Variants in CCDC102B observed in about 807,000 individuals in gnomAD.
The protein encoded by CCDC102B is coiled-coil domain containing 102B, also known as coiled-coil domain-containing protein 102B.
A neutral mutation model predicts 57.4 loss-of-function variants in CCDC102B; 75 were observed. The observed-to-expected ratio is 1.31, with a 90% CI of 1.08 to 1.58. The LOEUF (loss-of-function observed/expected upper bound fraction) is 1.58. Ranked by LOEUF, CCDC102B falls within the 40% of genes most tolerant of loss-of-function variation. The pLI is 0.00. For synonymous variants in CCDC102B, 206 were observed against 201.9 expected, an observed-to-expected ratio of 1.02 and a Z score of -0.17; for missense variants, 636 against 582.6, an observed-to-expected ratio of 1.09 and a Z score of -0.94.
chr18:68,787,306 C>T lies in CCDC102B; in HGVS notation c.-66-36060C>T, dbSNP rs1016016309. On this transcript the variant is annotated intron_variant, in intron 2 of 3. Coordinates refer to the CCDC102B transcript ENST00000578970. ...AAAATTCTCTTTTTTGGTTGTGTCT[C>T]GGCCCGGCTTTGGTATCAGAATGAT... Among the ~76,000 whole-genome samples the T allele has an allele frequency of 1.5e-3, 231 of 151,804 alleles. 1 individual carries two copies. The highest frequency in any genetic ancestry group is 1.9e-3 in the Non-Finnish European group (129 of 67,950).
At chr18:68,725,293 A>C (rs2032542741) in intron 2 of CCDC102B, among the ~76,000 whole-genome samples, 1 of 152,220 alleles carries the variant, frequency 6.6e-6, no homozygotes, top group Non-Finnish European at 1.5e-5. Context: ...AAGGCACTAT[A>C]TTAATTTTCT....
chr18:68,914,145 T>C (rs973569021), intron 6 of CCDC102B, among the ~76,000 whole-genome samples: 1 of 152,236 alleles, frequency 6.6e-6, no homozygotes, highest in African/African-American at 2.4e-5. Context: ...CCTCAAATAA[T>C]GTCTTTCATC....
rs35250665 is a variant in CCDC102B at position 68,941,264 on chromosome 18, T to TAA, written c.1263+43845_1263+43846dup. On this transcript the variant is annotated intron_variant, in intron 6 of 7. Transcript: ENST00000360242. ...TTTATAACTATGGTGAGCACAAAAA[T>TAA]AAAAAAAAAACCCATGTATTTTAGT... is the stretch of plus-strand genomic sequence containing the variant. Among the ~76,000 whole-genome samples, 422 of 149,792 alleles carry TAA rather than the reference T, an allele frequency of 2.8e-3. 5 individuals are homozygous for TAA. Among genetic ancestry groups the TAA allele is most frequent in the African/African-American group, 9.9e-3 (402 of 40,608 alleles).
chr18:68,957,120 G>GT (rs1405340572), intron 6 of CCDC102B, among the ~76,000 whole-genome samples: 1 of 151,916 alleles, frequency 6.6e-6, no homozygotes, highest in Non-Finnish European at 1.5e-5. Flanking sequence ...CCGTGCAGAA[G>GT]TTTTTTTAAC....
At chr18:68,908,630 A>G (rs1054935543) in intron 6 of CCDC102B, 1 of 152,140 alleles carries the variant, frequency 6.6e-6, no homozygotes, top group Non-Finnish European at 1.5e-5. Flanking sequence ...TTTTAAATAC[A>G]TTTTCCTCTA....
chr18:68,854,245 T>C (rs7230046), intron 4 of CCDC102B, among the ~76,000 whole-genome samples: 151,958 of 151,962 alleles, frequency 1, 75,977 homozygotes, highest in Middle Eastern at 1. Context: ...GGATTACAGG[T>C]GCCCGCCACC....
intron 2 of CCDC102B, among the ~76,000 whole-genome samples, chr18:68,789,876 A>G (rs1356505636): frequency 3.9e-5 from 6 of 151,958 alleles, no homozygotes; most frequent in South Asian, 2.1e-4. Flanking sequence ...CTGGTGAGGA[A>G]CTGCGTTCCT....
chr18:68,779,040 G>A (rs2034918671), intron 2 of CCDC102B, among the ~76,000 whole-genome samples: 1 of 152,088 alleles, frequency 6.6e-6, no homozygotes, highest in Non-Finnish European at 1.5e-5. Flanking sequence ...ATGCATTCCT[G>A]TTTAACGACA....
intron 6 of CCDC102B, among the ~76,000 whole-genome samples, chr18:68,919,858 T>C (rs1291883932): frequency 6.6e-6 from 1 of 152,206 alleles, no homozygotes; most frequent in African/African-American, 2.4e-5. Flanking sequence ...TCTTGCATTC[T>C]TTTTTAATAA....
At chr18:68,754,560 G>A (rs892918452) in intron 2 of CCDC102B, 1 of 152,140 alleles carries the variant, frequency 6.6e-6, no homozygotes, top group Non-Finnish European at 1.5e-5. Context: ...CCAGGAGTTT[G>A]ATGTTGCAGT....
intron 4 of CCDC102B, among the ~76,000 whole-genome samples, chr18:68,857,394 TTAAATATA>T (rs1248340248): frequency 8.0e-6 from 1 of 124,556 alleles, no homozygotes; most frequent in Admixed American, 1.0e-4. Flanking sequence ...TATTTATTAT[TTAAATATA>T]TAAATATATA....
chr18:68,907,399 T>A (rs1008818181), intron 6 of CCDC102B, among the ~76,000 whole-genome samples: 5 of 151,952 alleles, frequency 3.3e-5, no homozygotes, highest in Non-Finnish European at 5.9e-5. Flanking sequence ...CTTTTCAGAG[T>A]ATTAACAGTT....
chr18:68,814,192 G>A (rs575361722), intron 1 of CCDC102B, among the ~76,000 whole-genome samples: 2 of 152,234 alleles, frequency 1.3e-5, no homozygotes, highest in African/African-American at 4.8e-5. Context: ...CCAATTTCTA[G>A]GAAAAGGAGG....
chr18:68,782,589 G>T (rs562806826), intron 2 of CCDC102B, among the ~76,000 whole-genome samples: 170 of 151,548 alleles, frequency 1.1e-3, no homozygotes, highest in Non-Finnish European at 1.9e-3. Flanking sequence ...AGCTTTTTTC[G>T]ATCTGGATCA....
Position 69,054,614 on chromosome 18 carries a change from G to A in CCDC102B, c.*477G>A. On this transcript the variant is annotated 3_prime_UTR_variant, in exon 8 of 8. Coordinates refer to ENST00000360242, the MANE Select transcript of CCDC102B (RefSeq NM_024781.3). ...ATTAACAAAAATGAATCATTCTAGAGGTGTAACAATACATTTCTTATATAA... is the reference window on the plus strand; with the variant it reads ...ATTAACAAAAATGAATCATTCTAGAAGTGTAACAATACATTTCTTATATAA... The A allele has an allele frequency of 5.1e-6, 5 of 981,670 alleles. No homozygotes were observed. The highest frequency in any genetic ancestry group is 4.8e-6 in the Non-Finnish European group (4 of 826,602). 60.8% of individuals were successfully genotyped at this position (981,670 alleles called of 1,614,324 possible).
intron 6 of CCDC102B, among the ~76,000 whole-genome samples, chr18:68,991,287 C>G (rs1042212496): frequency 3.9e-5 from 6 of 152,306 alleles, no homozygotes; most frequent in Admixed American, 3.9e-4. Flanking sequence ...GAAACACTTT[C>G]ATATACAAGG....
chr18:69,022,364 T>TATAC (rs2051869091), intron 7 of CCDC102B, among the ~76,000 whole-genome samples: 1 of 150,926 alleles, frequency 6.6e-6, no homozygotes, highest in Admixed American at 6.6e-5. Flanking sequence ...AATATATATA[T>TATAC]ACACACACAC....
At chr18:68,935,198 A>G (rs767982643) in intron 6 of CCDC102B, among the ~76,000 whole-genome samples, 1 of 152,104 alleles carries the variant, frequency 6.6e-6, no homozygotes, top group South Asian at 2.1e-4. Flanking sequence ...TTTTTAAGAT[A>G]AACATGTGCC....
At chr18:68,889,165 C>T (rs2039988605) in intron 5 of CCDC102B, among the ~76,000 whole-genome samples, 1 of 151,946 alleles carries the variant, frequency 6.6e-6, no homozygotes, top group Admixed American at 6.6e-5. Context: ...ATATTGAAAA[C>T]TTAATCCTAG....
Sources: gnomAD v4.1 joint callset for allele counts (sites outside exome capture counted in the v4.1 genomes callset) on GRCh38, gnomAD v4.1.1 for gene constraint, MANE v1.5 for transcripts, NCBI Gene and HGNC (gene_info 2026-07-23, HGNC 2026-07-21) for gene names.